The following DCDC1 variants were observed in gnomAD, a reference collection of about 807,000 sequenced individuals.
DCDC1 encodes doublecortin domain-containing protein 1.
DCDC1 carries 200 observed loss-of-function variants against 178.3 expected under a neutral mutation model. The observed-to-expected ratio is 1.12, with a 90% CI of 1.00 to 1.26. DCDC1 has a LOEUF of 1.26. Ranked by LOEUF, DCDC1 falls within the 50% of genes most tolerant of loss-of-function variation. The pLI is 0.00. For missense variants in DCDC1, 1,983 were observed against 1,749.2 expected, an observed-to-expected ratio of 1.13 and a Z score of -2.38; for synonymous variants, 690 against 604.8, an observed-to-expected ratio of 1.14 and a Z score of -2.07.
Position 30,894,358 on chromosome 11 carries a change from C to T in DCDC1, c.4792G>A (p.Ala1598Thr), listed in dbSNP as rs1360210226. The part of the protein sequence containing the change: ...KGRRVAACQP[A>T]TMVPTKSPVQ... ...GGGCTCTTGGTAGGAACCATGGTGG[C>T]TGGCTGACATGCCGCTACTCGCCGC... Residue 1598 changes from alanine to threonine, a missense_variant, in exon 35 of 39, where the codon GCC becomes ACC. Transcript: ENST00000684477. The T allele has an allele frequency of 6.2e-6, 10 of 1,613,724 alleles. No individual in the cohort carries two copies. The highest frequency in any genetic ancestry group is 8.5e-6 in the Non-Finnish European group (10 of 1,179,798).
chr11:31,142,014 T>C (rs191760190), intron 9 of DCDC1, among the ~76,000 whole-genome samples: 57 of 152,320 alleles, frequency 3.7e-4, no homozygotes, highest in Non-Finnish European at 3.8e-4. Context: ...TGCCCCAGCT[T>C]CTCTCAGAAT....
In DCDC1 at chr11:31,122,974, T is replaced by C. The variant is rs527502794; in HGVS notation, c.1485+4495A>G. On this transcript the variant is annotated intron_variant, in intron 11 of 38. Transcript: ENST00000684477. ...GGCCCAATAGTAAATACTTTAGGCT[T>C]TTCAAGTCATATGGTCTCCACTCTG... is the stretch of plus-strand genomic sequence containing the variant. Among the ~76,000 whole-genome samples the C allele has an allele frequency of 5.3e-5, 8 of 152,220 alleles. No homozygotes were observed. The South Asian group carries it at 1.7e-3, about 32-fold the overall frequency.
intron 9 of DCDC1, among the ~76,000 whole-genome samples, chr11:31,197,405 T>C (rs1314708486): frequency 5.3e-5 from 8 of 152,146 alleles, no homozygotes; most frequent in African/African-American, 1.9e-4. Flanking sequence ...ATAATGATAA[T>C]TACAATGACT....
intron 9 of DCDC1, among the ~76,000 whole-genome samples, chr11:31,165,158 A>G (rs1966660144): frequency 6.6e-6 from 1 of 152,220 alleles, no homozygotes; most frequent in Non-Finnish European, 1.5e-5. Flanking sequence ...CCAAAACAAC[A>G]GTATATGAGT....
rs1209255366 is a variant in DCDC1, at chr11:31,127,660, G to C, written c.1315-21C>G. 4 of 699,704 alleles carry C rather than the reference G, an allele frequency of 5.7e-6. No homozygotes were observed. In the Admixed American group the frequency reaches 8.1e-5, roughly 14 times the overall value. The allele number at this position is 699,704 out of a possible 1,614,324, so 43.3% of individuals were successfully genotyped here. A position where few individuals can be genotyped will look rare whatever the true frequency, so the allele number is the denominator to read the frequency against. On this transcript the variant is annotated intron_variant, in intron 10 of 38. Coordinates refer to ENST00000684477, the MANE Select transcript of DCDC1 (RefSeq NM_001387274.1). ...CTCACCTGAAGGGGTTAAATTACAAGAGTTGTTAGCGAGAAGTAATTGTTG... is the reference window on the plus strand; with the variant it reads ...CTCACCTGAAGGGGTTAAATTACAACAGTTGTTAGCGAGAAGTAATTGTTG...
intron 9 of DCDC1, among the ~76,000 whole-genome samples, chr11:31,217,268 A>G (rs1565451911): frequency 6.6e-6 from 1 of 152,218 alleles, no homozygotes; most frequent in Non-Finnish European, 1.5e-5. Context: ...ATATTTGAAA[A>G]TAGGTAAGTC....
chr11:30,909,875 A>C (rs994381858), intron 28 of DCDC1, among the ~76,000 whole-genome samples: 2 of 152,228 alleles, frequency 1.3e-5, no homozygotes, highest in African/African-American at 4.8e-5. Flanking sequence ...GTTTCAATTT[A>C]ACAGAACTTA....
intron 18 of DCDC1, among the ~76,000 whole-genome samples, chr11:31,075,424 G>C (rs1035897123): frequency 6.6e-6 from 1 of 151,908 alleles, no homozygotes; most frequent in African/African-American, 2.4e-5. Context: ...GGGATTGCCG[G>C]ATGAAATGGT....
chr11:31,159,072 G>A (rs1177188683), intron 9 of DCDC1, among the ~76,000 whole-genome samples: 5 of 152,038 alleles, frequency 3.3e-5, no homozygotes, highest in African/African-American at 1.2e-4. Flanking sequence ...CTGCTTTGAG[G>A]ACTATTAAGA....
intron 11 of DCDC1, among the ~76,000 whole-genome samples, chr11:31,125,422 T>C (rs1388646294): frequency 6.6e-6 from 1 of 152,208 alleles, no homozygotes; most frequent in Admixed American, 6.5e-5. Flanking sequence ...ATCTCATTAC[T>C]GGGTATATAC....
At position 30,987,805 on chromosome 11, in the gene DCDC1, A is replaced by AT. The variant is rs201949543; in HGVS notation, c.2592-35238dup. On this transcript the variant is annotated intron_variant, in intron 20 of 38. Transcript: ENST00000684477. ...CTTAAAACATTATAAGTTTTTTTGC[A>AT]TTTTTTTTTCTCATCAGCTATCAGC... Among the ~76,000 whole-genome samples the AT allele has an allele frequency of 4.1e-3, 620 of 151,010 alleles. 1 individual carries two copies. Among genetic ancestry groups the AT allele is most frequent in the African/African-American group, 0.014 (594 of 41,098 alleles).
At chr11:31,083,797 T>G in intron 17 of DCDC1, among the ~76,000 whole-genome samples, 1 of 152,320 alleles carries the variant, frequency 6.6e-6, no homozygotes, top group African/African-American at 2.4e-5. Flanking sequence ...TCTTCCTCTG[T>G]GCGTGCATGT....
chr11:31,011,643 C>A (rs1952174616), intron 20 of DCDC1, among the ~76,000 whole-genome samples: 1 of 152,120 alleles, frequency 6.6e-6, no homozygotes, highest in South Asian at 2.1e-4. Context: ...ATAGTAGAAC[C>A]ACTTTAGAGA....
intron 1 of DCDC1, among the ~76,000 whole-genome samples, chr11:31,340,798 T>C (rs1212677319): frequency 1.3e-5 from 2 of 152,172 alleles, no homozygotes; most frequent in African/African-American, 2.4e-5. Flanking sequence ...TGGACTCACA[T>C]AGCCTCTGCA....
At chr11:30,922,426 T>G in intron 24 of DCDC1, 77 bp downstream of exon 24, 1 of 1,404,178 alleles carries the variant, frequency 7.1e-7, no homozygotes, top group Non-Finnish European at 9.3e-7. Flanking sequence ...TAAACAAACT[T>G]TGACTTTTTA....
chr11:31,309,697 AT>A (rs1451928309), intron 3 of DCDC1, among the ~76,000 whole-genome samples: 4 of 152,186 alleles, frequency 2.6e-5, no homozygotes, highest in African/African-American at 7.2e-5. Flanking sequence ...TAATGAATGT[AT>A]TTTTTTCATT....
chr11:31,014,205 TTC>T (rs935055426), intron 20 of DCDC1, among the ~76,000 whole-genome samples: 2 of 149,564 alleles, frequency 1.3e-5, no homozygotes, highest in South Asian at 2.1e-4. Flanking sequence ...CACTCTCTCT[TTC>T]TCTCTCTCTC....
chr11:31,035,520 G>C (rs1262270417), intron 20 of DCDC1, among the ~76,000 whole-genome samples: 1 of 152,182 alleles, frequency 6.6e-6, no homozygotes, highest in Non-Finnish European at 1.5e-5. Context: ...TAATTAAACT[G>C]AGATTACAGA....
chr11:30,917,493 A>G (rs565078040), intron 25 of DCDC1, among the ~76,000 whole-genome samples: 1 of 152,328 alleles, frequency 6.6e-6, no homozygotes, highest in African/African-American at 2.4e-5. Flanking sequence ...AGATTTCTCC[A>G]CAGAGAAATC....
Sources: allele counts gnomAD v4.1 joint callset (sites outside exome capture counted in the v4.1 genomes callset), GRCh38; gene constraint gnomAD v4.1.1; transcripts MANE v1.5; gene names NCBI Gene and HGNC (gene_info 2026-07-23, HGNC 2026-07-21).